Variants in PRDM11 observed in about 807,000 individuals in gnomAD.
PRDM11 encodes PR domain-containing protein 11.
PRDM11 carries 20 observed loss-of-function variants against 97.8 expected under a neutral mutation model. The observed-to-expected ratio is 0.20, with a 90% CI of 0.14 to 0.30. The LOEUF (loss-of-function observed/expected upper bound fraction) is 0.30, where lower values mean the gene tolerates loss of function less well. Among genes scored for constraint, PRDM11 ranks in the 10% least tolerant of loss-of-function variants. PRDM11 has a pLI of 1.00. For synonymous variants in PRDM11, 599 were observed against 637.7 expected (o/e 0.94, Z 0.91); for missense variants, 1,139 against 1,555.2 (o/e 0.73, Z 4.50).
chr11:45,207,409 C>T (rs904962026), intron 5 of PRDM11, among the ~76,000 whole-genome samples: 5 of 151,926 alleles, frequency 3.3e-5, no homozygotes, highest in Non-Finnish European at 5.9e-5. Context: ...GGTTCTCAAC[C>T]GAGCACTATT....
Position 45,224,553 on chromosome 11 carries a change from A to C in PRDM11, c.1079A>C (p.Gln360Pro), listed in dbSNP as rs1854214608. 6.2e-7 allele frequency: 1 copy of C among 1,613,810 alleles called. No homozygotes were observed. Among genetic ancestry groups the C allele is most frequent in the East Asian group, 2.2e-5 (1 of 44,856 alleles). Residue 360 changes from glutamine to proline, a missense_variant, in exon 7 of 8, where the codon CAG becomes CCG. By Grantham distance (76) the Gln-to-Pro change is moderately conservative (BLOSUM62 -1). Around this residue, in one of 2 missense-constraint regions of PRDM11, gnomAD observed 429 missense variants for 510.3 expected, o/e 0.84. Coordinates refer to ENST00000683152, the MANE Select transcript of PRDM11 (RefSeq NM_001384648.1). Reference sequence around the variant, plus strand: ...GGTGTGCAGAATATAGGCCAGACCCAGGGGGAGGGGGACTGGAAGGTCCCC... The same window carrying C: ...GGTGTGCAGAATATAGGCCAGACCCCGGGGGAGGGGGACTGGAAGGTCCCC... ...THGVQNIGQT[Q>P]GEGDWKVPQG...
At chr11:45,180,320 G>A (rs1358655044) in intron 1 of PRDM11, among the ~76,000 whole-genome samples, 2 of 152,128 alleles carry the variant, frequency 1.3e-5, no homozygotes, top group African/African-American at 4.8e-5. Context: ...AGGTGCGGCC[G>A]CGGCTGAGCG....
At chr11:45,164,594 C>T (rs1276957484) in intron 1 of PRDM11, among the ~76,000 whole-genome samples, 1 of 152,238 alleles carries the variant, frequency 6.6e-6, no homozygotes, top group Non-Finnish European at 1.5e-5. Flanking sequence ...GCCACCAGGG[C>T]TGGCTCCTTC....
intron 1 of PRDM11, among the ~76,000 whole-genome samples, chr11:45,153,498 T>A (rs977043821): frequency 4.6e-5 from 7 of 152,174 alleles, no homozygotes; most frequent in Admixed American, 1.3e-4. Context: ...TTAGGGCCAG[T>A]CTTGGGCCAT....
intron 1 of PRDM11, among the ~76,000 whole-genome samples, chr11:45,111,580 G>C (rs917795812): frequency 6.6e-6 from 1 of 152,122 alleles, no homozygotes; most frequent in Non-Finnish European, 1.5e-5. Context: ...GCTTTGATGA[G>C]GTGACCAGTA....
At chr11:45,124,313 T>C (rs955722227) in intron 1 of PRDM11, among the ~76,000 whole-genome samples, 204 of 152,302 alleles carry the variant, frequency 1.3e-3, no homozygotes, top group African/African-American at 4.7e-3. Context: ...CTTCCTCTTT[T>C]CCTAATTGAA....
At position 45,231,699 on chromosome 11, in the gene PRDM11, G is replaced by A. The variant is rs921686584; in HGVS notation, c.*3540G>A. The A allele has an allele frequency of 3.3e-5, 5 of 151,436 alleles. No individual in the cohort carries two copies. The highest frequency in any genetic ancestry group is 9.7e-5 in the African/African-American group (4 of 41,140). 9.4% of individuals were successfully genotyped at this position (151,436 alleles called of 1,614,324 possible). A position where few individuals can be genotyped will look rare whatever the true frequency, so the allele number is the denominator to read the frequency against. ...TTAATATGATCTGCTTTTCCTTCATGGAGGACAAAGAAAAAATCCACTGCC... is the reference window on the plus strand; with the variant it reads ...TTAATATGATCTGCTTTTCCTTCATAGAGGACAAAGAAAAAATCCACTGCC... On this transcript the variant is annotated 3_prime_UTR_variant, in exon 8 of 8. Transcript: ENST00000683152.
intron 7 of PRDM11, 115 bp from the exon 8 acceptor site, chr11:45,225,880 C>T (rs1459422365): frequency 1.2e-5 from 15 of 1,302,088 alleles, no homozygotes; most frequent in Middle Eastern, 2.7e-4. Context: ...TAGGCTTCCA[C>T]GGACTTCTGT....
chr11:45,203,661 C>T (rs1213229441), intron 4 of PRDM11, among the ~76,000 whole-genome samples: 2 of 149,786 alleles, frequency 1.3e-5, no homozygotes, highest in Non-Finnish European at 3.0e-5. Flanking sequence ...TGCTGTGTCA[C>T]CCAGGCTGGA....
intron 1 of PRDM11, among the ~76,000 whole-genome samples, chr11:45,122,303 T>C (rs1428630951): frequency 7.5e-6 from 1 of 133,838 alleles, no homozygotes; most frequent in East Asian, 2.0e-4. Flanking sequence ...ATTTAAAAGA[T>C]ATCATGGTAT....
intron 1 of PRDM11, among the ~76,000 whole-genome samples, chr11:45,123,544 G>C (rs1028074275): frequency 2.0e-5 from 3 of 152,116 alleles, no homozygotes; most frequent in Non-Finnish European, 2.9e-5. Flanking sequence ...AAGGGATCCA[G>C]TTTCAGCTTT....
chr11:45,125,024 A>T (rs1852532375), intron 1 of PRDM11, among the ~76,000 whole-genome samples: 1 of 152,052 alleles, frequency 6.6e-6, no homozygotes, highest in South Asian at 2.1e-4. Flanking sequence ...AGAGCCTGTT[A>T]TTGGTCTATT....
chr11:45,213,193 C>T (rs940256296), intron 5 of PRDM11: 2 of 456,516 alleles, frequency 4.4e-6, no homozygotes, highest in African/African-American at 2.0e-5. Flanking sequence ...CAGGTCGCTG[C>T]CCTGTGGTCT....
exon 1 of PRDM11, chr11:45,095,868 A>T (rs769237375): frequency 2.6e-6 from 2 of 780,606 alleles, no homozygotes; most frequent in African/African-American, 3.4e-5. Flanking sequence ...CCTGCCTGAG[A>T]TGCTCACCTC....
At chr11:45,159,598 A>G (rs545852981) in intron 1 of PRDM11, among the ~76,000 whole-genome samples, 1 of 152,250 alleles carries the variant, frequency 6.6e-6, no homozygotes, top group Admixed American at 6.5e-5. Flanking sequence ...TCGTGACCAC[A>G]TAGCTGTCTT....
intron 6 of PRDM11, among the ~76,000 whole-genome samples, chr11:45,221,414 C>G (rs1030304941): frequency 6.6e-6 from 1 of 152,094 alleles, no homozygotes; most frequent in Non-Finnish European, 1.5e-5. Context: ...ATGAAGACAG[C>G]CAAGAAGCTT....
At chr11:45,143,771 T>C (rs1345967727), upstream of PRDM11, among the ~76,000 whole-genome samples, 4 of 152,214 alleles carry the variant, frequency 2.6e-5, no homozygotes, top group Non-Finnish European at 5.9e-5. Context: ...CTTGGATTAT[T>C]GAGATTATTG....
In PRDM11 at chr11:45,225,003, T is replaced by A. The variant is rs982363459; in HGVS notation, c.1369+160T>A. On this transcript the variant is annotated intron_variant, in intron 7 of 7. Transcript: ENST00000683152. ...TGGGTGGGAGCCCAGGTCCTCAGTGTCTCTGGCAGACCCATCGGCAGCTCT... is the reference window on the plus strand; with the variant it reads ...TGGGTGGGAGCCCAGGTCCTCAGTGACTCTGGCAGACCCATCGGCAGCTCT... The A allele has an allele frequency of 4.0e-6, 6 of 1,486,114 alleles. No homozygotes were observed. In the African/African-American group the frequency reaches 7.0e-5, roughly 17 times the overall value. 92.1% of individuals were successfully genotyped at this position (1,486,114 alleles called of 1,614,324 possible). A position where few individuals can be genotyped will look rare whatever the true frequency, so the allele number is the denominator to read the frequency against.
chr11:45,190,169 T>C (rs1193882351), intron 4 of PRDM11, among the ~76,000 whole-genome samples: 4 of 151,294 alleles, frequency 2.6e-5, no homozygotes, highest in Admixed American at 1.3e-4. Flanking sequence ...TTTCTTGAGA[T>C]GGAGTCTCAC....
Sources: gnomAD v4.1 joint callset for allele counts (sites outside exome capture counted in the v4.1 genomes callset) on GRCh38, gnomAD v4.1.1 for gene constraint, gnomAD v4.1.1 regional missense constraint, MANE v1.5 for transcripts, NCBI Gene and HGNC (gene_info 2026-07-23, HGNC 2026-07-21) for gene names.